The following ZBBX variants were observed in gnomAD, a reference collection of about 807,000 sequenced individuals.
ZBBX encodes zinc finger B-box domain containing.
Under a neutral mutation model 108.5 loss-of-function variants are expected in ZBBX, and 101 were observed. The observed-to-expected ratio is 0.93, with a 90% CI of 0.79 to 1.10. The LOEUF is 1.10. Ranked by LOEUF, ZBBX falls within the 50% of genes least tolerant of loss-of-function variation. The probability of loss-of-function intolerance (pLI) is 0.00; values close to 1 mark genes in which losing one functional copy is unlikely to be tolerated. For missense variants in ZBBX, 1,009 were observed against 941.4 expected (o/e 1.07, Z -0.94); for synonymous variants, 356 against 323.4 (o/e 1.10, Z -1.08).
Position 167,282,412 on chromosome 3 carries a change from G to C in ZBBX, c.2080C>G (p.His694Asp). The C allele has an allele frequency of 2.5e-6, 4 of 1,614,114 alleles. No homozygotes were observed. The highest frequency in any genetic ancestry group is 3.4e-6 in the Non-Finnish European group (4 of 1,179,990). Residue 694 changes from histidine to aspartate, a missense_variant, in exon 20 of 22, where the codon CAT (histidine) becomes GAT (aspartate). Coordinates refer to ENST00000675490, the MANE Select transcript of ZBBX (RefSeq NM_001199201.2). ...KESSSCLSSS[H>D]PRSRSAAAQS... ...GCAGCTGCACTTCTTGATCGAGGAT[G>C]AGAGGATGAAAGGCAACTGGAGCTT...
chr3:167,180,714 C>T, the ZBBX span, among the ~76,000 whole-genome samples: 1 of 152,194 alleles, frequency 6.6e-6, no homozygotes. Flanking sequence ...TAGCAGGCTG[C>T]AGGTTGTTTA....
chr3:167,209,164 G>A, the ZBBX span, among the ~76,000 whole-genome samples: 1 of 148,156 alleles, frequency 6.7e-6, no homozygotes, highest in Non-Finnish European at 1.5e-5. Flanking sequence ...GCACCAGGTA[G>A]ATTCCTAAGG....
At chr3:167,368,930 C>A in intron 4 of ZBBX, 1 of 183,934 alleles carries the variant, frequency 5.4e-6, no homozygotes, top group Non-Finnish European at 1.1e-5. Flanking sequence ...GTTTTGCCTC[C>A]AATGTAGTCA....
At chr3:167,236,906 G>C (rs373498454), downstream of ZBBX, among the ~76,000 whole-genome samples, 35 of 151,846 alleles carry the variant, frequency 2.3e-4, no homozygotes, top group African/African-American at 8.2e-4. Context: ...AAGAAAAAAG[G>C]GGCAAAAGGA....
chr3:167,287,839 A>G lies in ZBBX; in HGVS notation c.1996+1028T>C, dbSNP rs371759764. Among the ~76,000 whole-genome samples, 40 of 152,270 alleles carry G rather than the reference A, an allele frequency of 2.6e-4. No individual in the cohort carries two copies. In the East Asian group the frequency reaches 6.0e-3, roughly 23 times the overall value. On this transcript the variant is annotated intron_variant, in intron 19 of 21. Transcript: ENST00000675490. ...TAAATACATTGTTTTCTCCCTAAAA[A>G]TTTTATATCTGACAGATTCTCAACA...
chr3:167,370,076 G>A (rs1360955306), intron 4 of ZBBX, among the ~76,000 whole-genome samples: 1 of 151,938 alleles, frequency 6.6e-6, no homozygotes, highest in Non-Finnish European at 1.5e-5. Context: ...TAAGAGAATT[G>A]ATCAGACTTA....
intron 14 of ZBBX, 29 bp downstream of exon 14, chr3:167,316,976 G>C (rs1409865421): frequency 1.5e-6 from 2 of 1,340,550 alleles, no homozygotes; most frequent in Admixed American, 2.0e-5. Context: ...TAAAAATCAT[G>C]AATGGTCATT....
At chr3:167,212,216 G>A in the ZBBX span, among the ~76,000 whole-genome samples, 5 of 152,076 alleles carry the variant, frequency 3.3e-5, no homozygotes, top group Admixed American at 1.3e-4. Context: ...GACTGGAGGT[G>A]GTCCCAAGCA....
chr3:167,187,764 T>A, the ZBBX span, among the ~76,000 whole-genome samples: 48 of 152,144 alleles, frequency 3.2e-4, no homozygotes, highest in Admixed American at 6.5e-5. Context: ...CTATCCAAGG[T>A]GGCAAGGGGT....
intron 20 of ZBBX, among the ~76,000 whole-genome samples, chr3:167,257,081 T>C (rs778278232): frequency 6.6e-6 from 1 of 152,188 alleles, no homozygotes; most frequent in Non-Finnish European, 1.5e-5. Flanking sequence ...CTAACTTATG[T>C]TCCCACCAAC....
the ZBBX span, among the ~76,000 whole-genome samples, chr3:167,185,404 T>G: frequency 6.6e-6 from 1 of 152,156 alleles, no homozygotes; most frequent in South Asian, 2.1e-4. Flanking sequence ...GGAATAGGAA[T>G]GGAACTTTTG....
intron 10 of ZBBX, among the ~76,000 whole-genome samples, chr3:167,330,973 C>CTCTCTCTCTCTCTCTCTCTCTCTCTCTCT (rs1377045353): frequency 6.7e-6 from 1 of 149,100 alleles, no homozygotes; most frequent in African/African-American, 2.5e-5. Flanking sequence ...CTCCCCCACT[C>CTCTCTCTCTCTCTCTCTCTCTCTCTCTCT]CCCTTCTGTA....
intron 20 of ZBBX, among the ~76,000 whole-genome samples, chr3:167,255,353 A>G (rs7619182): frequency 0.73 from 111,271 of 151,788 alleles, 41,024 homozygotes; most frequent in East Asian, 0.84. Context: ...TAAAACCATC[A>G]AGAGATGAAA....
chr3:167,254,689 G>C (rs1486528337), intron 20 of ZBBX, among the ~76,000 whole-genome samples: 1 of 151,996 alleles, frequency 6.6e-6, no homozygotes, highest in Non-Finnish European at 1.5e-5. Flanking sequence ...GCAATTCAAA[G>C]ATATAAAAAC....
intron 20 of ZBBX, among the ~76,000 whole-genome samples, chr3:167,263,770 A>T (rs1240735641): frequency 6.6e-6 from 1 of 152,196 alleles, no homozygotes; most frequent in Non-Finnish European, 1.5e-5. Context: ...GTGTTTCTTC[A>T]TTGATTTTCT....
chr3:167,393,797 A>G (rs2108638352), intron 1 of ZBBX, among the ~76,000 whole-genome samples: 1 of 152,034 alleles, frequency 6.6e-6, no homozygotes, highest in Middle Eastern at 3.4e-3. Flanking sequence ...ACAAGTCACA[A>G]CTAATTAAAA....
Position 167,372,918 on chromosome 3 carries a change from T to C in ZBBX, c.-17A>G. The C allele has an allele frequency of 6.3e-7, 1 of 1,575,400 alleles. No homozygotes were observed. Among genetic ancestry groups the C allele is most frequent in the Non-Finnish European group, 8.6e-7 (1 of 1,163,102 alleles). On this transcript the variant is annotated 5_prime_UTR_variant, in exon 4 of 22. Transcript: ENST00000675490. ...TCTGTTCATGATTACCACCTTAATA[T>C]TGTCTAAAAGTTATTCTGATTTGTA...
chr3:167,402,476 A>C (rs1748455524), intron 1 of ZBBX, among the ~76,000 whole-genome samples: 1 of 152,154 alleles, frequency 6.6e-6, no homozygotes, highest in African/African-American at 2.4e-5. Context: ...TTTCTTGGCA[A>C]AAAGAAAATA....
In ZBBX at chr3:167,282,467, T is replaced by C; in HGVS notation, c.2025A>G (p.Ala675=). 1 of 1,613,038 alleles carries C rather than the reference T, an allele frequency of 6.2e-7. No individual in the cohort carries two copies. The highest frequency in any genetic ancestry group is 8.5e-7 in the Non-Finnish European group (1 of 1,179,574). ...MGQKSQRPST[A]NFPLSNSVKE... is the part of the protein sequence containing the mutation. ...TAACAGAGTTGGAAAGTGGAAAATTTGCTGTTGAAGGTCTCTGTGATTTCT... is the reference window on the plus strand; with the variant it reads ...TAACAGAGTTGGAAAGTGGAAAATTCGCTGTTGAAGGTCTCTGTGATTTCT... The change falls in exon 20 of 22, where the codon GCA becomes GCG. Residue 675 remains alanine, a synonymous_variant. Transcript: ENST00000675490.
Sources: gnomAD v4.1 joint callset for allele counts (sites outside exome capture counted in the v4.1 genomes callset) on GRCh38, gnomAD v4.1.1 for gene constraint, MANE v1.5 for transcripts, NCBI Gene and HGNC (gene_info 2026-07-23, HGNC 2026-07-21) for gene names.